ATN1: variants seen among roughly 807,000 people sequenced by gnomAD.
ATN1 encodes atrophin 1.
ATN1 carries 19 observed loss-of-function variants against 85.8 expected under a neutral mutation model. The observed-to-expected ratio is 0.22, with a 90% CI of 0.15 to 0.32. The LOEUF (loss-of-function observed/expected upper bound fraction) is 0.32. Ranked by LOEUF, ATN1 falls within the 10% of genes least tolerant of loss-of-function variation. ATN1 has a pLI of 1.00. For synonymous variants in ATN1, 674 were observed against 657.0 expected (o/e 1.03, Z -0.39); for missense variants, 1,453 against 1,564.5 (o/e 0.93, Z 1.20).
chr12:6,938,588 C>T lies in ATN1; in HGVS notation c.2625C>T (p.Tyr875=), dbSNP rs781842297. The T allele has an allele frequency of 3.7e-6, 6 of 1,614,138 alleles. No individual in the cohort carries two copies. The highest frequency in any genetic ancestry group is 3.4e-6 in the Non-Finnish European group (4 of 1,180,050). ...PGSAVATVPP[Y]LGPDTPALRT... The stretch of plus-strand genomic sequence containing the variant: ...GTGCGGTGGCTACAGTGCCCCCCTA[C>T]CTGGGTCCTGACACTCCAGCCTTGC... The change falls in exon 7 of 10, where the codon TAC becomes TAT. Residue 875 remains tyrosine (Y), a synonymous_variant. Coordinates refer to ENST00000396684, the MANE Select transcript of ATN1 (RefSeq NM_001940.4).
chr12:6,934,350 G>A lies in ATN1; in HGVS notation c.165+37G>A, dbSNP rs782401518. ...TCAGGTCCTCCCACAGGATGCCCAAGGCACTGGGGCTGAGGGTGTGTGTGT... is the reference window on the plus strand; with the variant it reads ...TCAGGTCCTCCCACAGGATGCCCAAAGCACTGGGGCTGAGGGTGTGTGTGT... On this transcript the variant is annotated intron_variant, in intron 3 of 9. Transcript: ENST00000396684. This position sits in a 1 kb window ranked among gnomAD's most constrained non-coding sequence, Gnocchi z 4.5. The A allele has an allele frequency of 4.6e-5, 73 of 1,576,986 alleles. No homozygotes were observed. The highest frequency in any genetic ancestry group is 6.1e-5 in the Non-Finnish European group (71 of 1,164,338).
At chr12:6,931,377 C>A (rs1292861450) in intron 1 of ATN1, among the ~76,000 whole-genome samples, 1 of 67,772 alleles carries the variant, frequency 1.5e-5, no homozygotes, top group Non-Finnish European at 2.8e-5. Context: ...GTCTACATAA[C>A]AACTAAAAAA....
intron 1 of ATN1, among the ~76,000 whole-genome samples, chr12:6,930,570 C>T (rs913889641): frequency 1.1e-4 from 16 of 151,936 alleles, no homozygotes; most frequent in African/African-American, 3.1e-4. Context: ...CTGAGGCGGG[C>T]GGATCACGAG....
At chr12:6,926,865 AT>A (rs199776480), upstream of ATN1, among the ~76,000 whole-genome samples, 4,637 of 151,280 alleles carry the variant, frequency 0.031, 88 homozygotes, top group Middle Eastern at 0.082. Flanking sequence ...CAATCTTCTT[AT>A]CCCCCTCTTC....
At position 6,934,871 on chromosome 12, in the gene ATN1, GTCTT is replaced by G. The variant is rs782328941; in HGVS notation, c.279+299_279+302del. ...AAATCTTAAGGAAAATGCAGAAGTGGTCTTTCTTTTTTATTGTTTTTTTTTGTTT... is the reference window on the plus strand; with the variant it reads ...AAATCTTAAGGAAAATGCAGAAGTGGTCTTTTTTATTGTTTTTTTTTGTTT... On this transcript the variant is annotated intron_variant, in intron 4 of 9. Coordinates refer to ENST00000396684, the MANE Select transcript of ATN1 (RefSeq NM_001940.4). The surrounding 1 kb of genome is among the most constrained non-coding windows in gnomAD (Gnocchi z 4.5). 2.7e-4 allele frequency among the ~76,000 whole-genome samples: 41 copies of G among 152,110 alleles called. No individual in the cohort carries two copies. In the South Asian group the frequency reaches 5.2e-3, roughly 19 times the overall value.
Position 6,941,819 on chromosome 12 carries a change from A to AC in ATN1, c.*41dup, listed in dbSNP as rs1945639957. ...GAGAGCACCATGGCTCCTACATTGGACCTTGGAGCACCCCCACCCTCCCCC... is the reference window on the plus strand; with the variant it reads ...GAGAGCACCATGGCTCCTACATTGGACCCTTGGAGCACCCCCACCCTCCCCC... On this transcript the variant is annotated 3_prime_UTR_variant, in exon 10 of 10. Transcript: ENST00000396684. This position sits in a 1 kb window ranked among gnomAD's most constrained non-coding sequence, Gnocchi z 5.9. 1 of 1,606,436 alleles carries AC rather than the reference A, an allele frequency of 6.2e-7. No homozygotes were observed. The highest frequency in any genetic ancestry group is 8.5e-7 in the Non-Finnish European group (1 of 1,173,296).
rs782008635 is a variant in ATN1 at position 6,935,528 on chromosome 12, A to G, written c.280-19A>G. On this transcript the variant is annotated intron_variant, in intron 4 of 9. Coordinates refer to ENST00000396684, the MANE Select transcript of ATN1 (RefSeq NM_001940.4). The surrounding 1 kb of genome is among the most constrained non-coding windows in gnomAD (Gnocchi z 5.3). Reference sequence around the variant, plus strand: ...GCAGGAAAGGAAAAGAGAAAAAATGAGTCTTCCCTTTTCTACAGCAGGAAC... The same window carrying G: ...GCAGGAAAGGAAAAGAGAAAAAATGGGTCTTCCCTTTTCTACAGCAGGAAC... The G allele has an allele frequency of 1.9e-6, 3 of 1,599,280 alleles. No homozygotes were observed. The highest frequency in any genetic ancestry group is 2.6e-6 in the Non-Finnish European group (3 of 1,171,962).
chr12:6,936,613 G>A lies in ATN1; in HGVS notation c.1346G>A (p.Gly449Asp), dbSNP rs782597674. The A allele has an allele frequency of 6.2e-7, 1 of 1,611,458 alleles. No homozygotes were observed. The highest frequency in any genetic ancestry group is 2.2e-5 in the East Asian group (1 of 44,788). The change falls in exon 5 of 10, where the codon GGC becomes GAC. Residue 449 changes from glycine (G) to aspartate (D), a missense_variant. By Grantham distance (94) the Gly-to-Asp change is moderately conservative. This residue lies in a region of ATN1 where 990 missense variants were observed against 914.8 expected (regional missense o/e 1.08). Transcript: ENST00000396684. ...SQGPPPPPPYGRLLANSNAHP... is the reference protein window; with the variant it reads ...SQGPPPPPPYDRLLANSNAHP... ...GGTCCCCCACCACCTCCTCCCTATG[G>A]CCGCCTCTTAGCCAACAGCAATGCC...
At position 6,935,449 on chromosome 12, in the gene ATN1, AGT is replaced by A; in HGVS notation, c.280-94_280-93del. The A allele has an allele frequency of 7.5e-7, 1 of 1,329,410 alleles. No individual in the cohort carries two copies. The highest frequency in any genetic ancestry group is 2.1e-4 in the Middle Eastern group (1 of 4,872). The allele number at this position is 1,329,410 out of a possible 1,614,324, so 82.4% of individuals were successfully genotyped here. A position where few individuals can be genotyped will look rare whatever the true frequency, so the allele number is the denominator to read the frequency against. ...AGTACTCACCACATCACAGTACAAC[AGT>A]GTGCTGTGAGGGGAAATGATTTTAT... On this transcript the variant is annotated intron_variant, in intron 4 of 9. Transcript: ENST00000396684. This position sits in a 1 kb window ranked among gnomAD's most constrained non-coding sequence, Gnocchi z 5.3.
At chr12:6,924,630 C>G (rs1421379661), upstream of ATN1, 7 of 152,596 alleles carry the variant, frequency 4.6e-5, no homozygotes, top group African/African-American at 1.7e-4. Context: ...TTTTCTTGCC[C>G]TCCTTCCCGG....
rs1434944306 is a variant in ATN1 at position 6,935,600 on chromosome 12, G to A, written c.333G>A (p.Arg111=). ...CCGATCTGGATAGCTTGGACGGGCG[G>A]AGCCTTAATGATGATGGCAGCAGCG... ...SPSDLDSLDG[R]SLNDDGSSDP... is the part of the protein sequence containing the mutation. The change falls in exon 5 of 10, where the codon CGG becomes CGA. Residue 111 remains arginine (R), a synonymous_variant. Coordinates refer to ENST00000396684, the MANE Select transcript of ATN1 (RefSeq NM_001940.4). This position sits in a 1 kb window ranked among gnomAD's most constrained non-coding sequence, Gnocchi z 5.3. 1.2e-6 allele frequency: 2 copies of A among 1,613,906 alleles called. No individual in the cohort carries two copies. The highest frequency in any genetic ancestry group is 1.7e-6 in the Non-Finnish European group (2 of 1,179,872).
chr12:6,929,589 T>C (rs1945437249), intron 1 of ATN1, among the ~76,000 whole-genome samples: 1 of 152,202 alleles, frequency 6.6e-6, no homozygotes, highest in Admixed American at 6.5e-5. Context: ...AGCCTGTGGC[T>C]GTCCTTGGGA....
chr12:6,941,174 C>A lies in ATN1; in HGVS notation c.3358+151C>A. The stretch of plus-strand genomic sequence containing the variant: ...GGAATAGGAGAGCTGGAGCTCTGCC[C>A]AAGAGAAGCACGAGTTTTAGTGTCA... On this transcript the variant is annotated intron_variant, in intron 8 of 9. Coordinates refer to ENST00000396684, the MANE Select transcript of ATN1 (RefSeq NM_001940.4). This position sits in a 1 kb window ranked among gnomAD's most constrained non-coding sequence, Gnocchi z 5.9. 1.6e-6 allele frequency: 2 copies of A among 1,233,698 alleles called. No homozygotes were observed. Among genetic ancestry groups the A allele is most frequent in the Non-Finnish European group, 1.1e-6 (1 of 903,508 alleles). 76.4% of individuals were successfully genotyped at this position (1,233,698 alleles called of 1,614,324 possible). A position where few individuals can be genotyped will look rare whatever the true frequency, so the allele number is the denominator to read the frequency against.
In ATN1 at chr12:6,936,936, T is replaced by C; in HGVS notation, c.1669T>C (p.Ser557Pro). ...CCTGCCCCCACCTCACAGCCAGGTG[T>C]CCTACAGCCAAGCAGGCCCCAATGG... The part of the protein sequence containing the change: ...AHLPPPHSQV[S>P]YSQAGPNGPP... The change falls in exon 5 of 10, where the codon TCC becomes CCC. Residue 557 changes from serine (S) to proline (P), a missense_variant. Physicochemically the swap from Ser to Pro is moderately conservative, Grantham distance 74. Coordinates refer to ENST00000396684, the MANE Select transcript of ATN1 (RefSeq NM_001940.4). 1 of 1,613,852 alleles carries C rather than the reference T, an allele frequency of 6.2e-7. No individual in the cohort carries two copies. The highest frequency in any genetic ancestry group is 8.5e-7 in the Non-Finnish European group (1 of 1,179,930).
Position 6,941,683 on chromosome 12 carries a change from G to T in ATN1, c.3540-64G>T. On this transcript the variant is annotated intron_variant, in intron 9 of 9. Coordinates refer to ENST00000396684, the MANE Select transcript of ATN1 (RefSeq NM_001940.4). The surrounding 1 kb of genome is among the most constrained non-coding windows in gnomAD (Gnocchi z 5.9). ...TCCTCTCCCAACCCCTTCGGTAAGA[G>T]GGGGCAAGGTCAGAGTTGGTCTCAA... 6.3e-7 allele frequency: 1 copy of T among 1,595,650 alleles called. No individual in the cohort carries two copies. Among genetic ancestry groups the T allele is most frequent in the East Asian group, 2.2e-5 (1 of 44,772 alleles).
intron 7 of ATN1, among the ~76,000 whole-genome samples, chr12:6,939,489 T>A (rs1233538234): frequency 1.3e-5 from 2 of 152,206 alleles, no homozygotes; most frequent in Non-Finnish European, 2.9e-5. Flanking sequence ...TCCCAAGCCC[T>A]TCACAAACCT....
Position 6,934,471 on chromosome 12 carries a change from C to G in ATN1, c.172C>G (p.Arg58Gly). The change falls in exon 4 of 10, where the codon CGA (arginine) becomes GGA (glycine). Residue 58 changes from arginine (R) to glycine (G), a missense_variant. Arg to Gly is a moderately radical substitution (Grantham distance 125, BLOSUM62 -2). Transcript: ENST00000396684. The surrounding 1 kb of genome is among the most constrained non-coding windows in gnomAD (Gnocchi z 4.5). ...TTCTCTTTCTCTCTAACAGAAGGCC[C>G]GAGTAGAGGAAGCCTCCACCCCAAA... ...EKSRQTAKKARVEEASTPKVN... is the reference protein window; with the variant it reads ...EKSRQTAKKAGVEEASTPKVN... The G allele has an allele frequency of 6.3e-7, 1 of 1,592,486 alleles. No homozygotes were observed. Among genetic ancestry groups the G allele is most frequent in the Non-Finnish European group, 8.6e-7 (1 of 1,169,148 alleles).
intron 1 of ATN1, among the ~76,000 whole-genome samples, chr12:6,931,629 G>A (rs1485358249): frequency 3.3e-5 from 5 of 150,492 alleles, no homozygotes; most frequent in South Asian, 2.1e-4. Flanking sequence ...CAGGAGAATC[G>A]CTTGAACCTG....
Position 6,937,227 on chromosome 12 carries a change from C to A in ATN1, c.1960C>A (p.Pro654Thr). The A allele has an allele frequency of 6.2e-7, 1 of 1,611,948 alleles. No homozygotes were observed. The highest frequency in any genetic ancestry group is 8.5e-7 in the Non-Finnish European group (1 of 1,179,772). ...PSPGAYKTATPPGYKPGSPPS... is the reference protein window; with the variant it reads ...PSPGAYKTATTPGYKPGSPPS... The stretch of plus-strand genomic sequence containing the variant: ...CCCGGGGGCCTACAAGACAGCCACC[C>A]CACCCGGATACAAACCCGGGTCGCC... The change falls in exon 5 of 10, where the codon CCA (proline) becomes ACA (threonine). Residue 654 changes from proline to threonine, a missense_variant. This residue lies in a region of ATN1 where 990 missense variants were observed against 914.8 expected (regional missense o/e 1.08). Transcript: ENST00000396684. This position sits in a 1 kb window ranked among gnomAD's most constrained non-coding sequence, Gnocchi z 6.0.
Sources: allele counts gnomAD v4.1 joint callset (sites outside exome capture counted in the v4.1 genomes callset), GRCh38; gene constraint gnomAD v4.1.1; regional missense constraint gnomAD v4.1.1; non-coding constraint Gnocchi (gnomAD v3.1); transcripts MANE v1.5; gene names NCBI Gene and HGNC (gene_info 2026-07-23, HGNC 2026-07-21).